Variants in ALDH1L2 observed in about 807,000 individuals in gnomAD.
ALDH1L2 encodes the protein aldehyde dehydrogenase 1 family member L2, also known as mitochondrial 10-formyltetrahydrofolate dehydrogenase.
Under a neutral mutation model 111.0 loss-of-function variants are expected in ALDH1L2, and 91 were observed. That is an observed-to-expected ratio of 0.82 (90% CI 0.69 to 0.98). The LOEUF is 0.98. Ranked by LOEUF, ALDH1L2 falls within the 50% of genes least tolerant of loss-of-function variation. ALDH1L2 has a pLI of 0.00. For missense variants in ALDH1L2, 995 were observed against 1,126.8 expected (o/e 0.88, Z 1.67); for synonymous variants, 374 against 392.6 (o/e 0.95, Z 0.56).
chr12:105,030,385 T>C lies in ALDH1L2; in HGVS notation c.2455A>G (p.Met819Val), dbSNP rs752217059. The part of the protein sequence containing the change: ...PTVFTDVEDY[M>V]YLAKEESFGP... ...AAGGATTCCTCTTTGGCGAGGTACA[T>C]GTAGTCTTCCACATCTGTGAACACG... is the stretch of plus-strand genomic sequence containing the variant. Residue 819 changes from methionine to valine, a missense_variant, in exon 21 of 23, where the codon ATG (methionine) becomes GTG (valine). By Grantham distance (21) the Met-to-Val change is conservative. Transcript: ENST00000258494. 2 of 1,613,656 alleles carry C rather than the reference T, an allele frequency of 1.2e-6. No homozygotes were observed. Among genetic ancestry groups the C allele is most frequent in the Non-Finnish European group, 1.7e-6 (2 of 1,179,710 alleles).
At chr12:105,064,397 A>G (rs930818259) in intron 6 of ALDH1L2, among the ~76,000 whole-genome samples, 1 of 152,140 alleles carries the variant, frequency 6.6e-6, no homozygotes, top group Non-Finnish European at 1.5e-5. Flanking sequence ...GAGGTTACAC[A>G]GTAAATTTTC....
intron 19 of ALDH1L2, among the ~76,000 whole-genome samples, chr12:105,032,624 G>A (rs997147904): frequency 6.6e-6 from 1 of 152,126 alleles, no homozygotes; most frequent in Non-Finnish European, 1.5e-5. Context: ...TTAAGTAAGT[G>A]CACCCAACCA....
intron 12 of ALDH1L2, among the ~76,000 whole-genome samples, chr12:105,051,273 G>A (rs1338979581): frequency 2.0e-5 from 3 of 152,034 alleles, no homozygotes; most frequent in Non-Finnish European, 4.4e-5. Flanking sequence ...TCTCCCATTG[G>A]GCTTGGCCAG....
At position 105,023,599 on chromosome 12, in the gene ALDH1L2, T is replaced by C. The variant is rs1874262726; in HGVS notation, c.*825A>G. The C allele has an allele frequency of 6.6e-6, 1 of 152,172 alleles. No homozygotes were observed. The highest frequency in any genetic ancestry group is 6.5e-5 in the Admixed American group (1 of 15,278). 9.4% of individuals were successfully genotyped at this position (152,172 alleles called of 1,614,324 possible). On this transcript the variant is annotated 3_prime_UTR_variant, in exon 23 of 23. Coordinates refer to ENST00000258494, the MANE Select transcript of ALDH1L2 (RefSeq NM_001034173.4). ...TACATTACTGCAATGAATTCTCCTA[T>C]TAAGGGTCCTGAGGAAGGCATTTAC...
Position 105,029,024 on chromosome 12 carries a change from AT to A in ALDH1L2, c.2516+1299del, listed in dbSNP as rs770703019. Among the ~76,000 whole-genome samples the A allele has an allele frequency of 4.3e-3, 598 of 138,196 alleles. 5 individuals are homozygous for A. The highest frequency in any genetic ancestry group is 9.8e-3 in the African/African-American group (362 of 37,060). 90.7% of individuals were successfully genotyped at this position (138,196 alleles called of 152,430 possible). ...GAAAACATTACTGCCATCTGCTTAA[AT>A]TTTTTTTTTTTTTTTTTTAGAGGCC... On this transcript the variant is annotated intron_variant, in intron 21 of 22. Transcript: ENST00000258494.
chr12:105,074,609 C>T (rs1295373870), intron 1 of ALDH1L2, among the ~76,000 whole-genome samples: 1 of 152,078 alleles, frequency 6.6e-6, no homozygotes, highest in Non-Finnish European at 1.5e-5. Flanking sequence ...CATGTGGCTC[C>T]ACGGGGATCT....
At position 105,022,155 on chromosome 12, in the gene ALDH1L2, G is replaced by C. The variant is rs1204439500; in HGVS notation, c.*2269C>G. On this transcript the variant is annotated 3_prime_UTR_variant, in exon 23 of 23. Coordinates refer to ENST00000258494, the MANE Select transcript of ALDH1L2 (RefSeq NM_001034173.4). ...TGATGTTCCAATTCCAGTTCACTTG[G>C]TAACTTTATGTATTACACAGAGCCT... 1 of 152,164 alleles carries C rather than the reference G, an allele frequency of 6.6e-6. No homozygotes were observed. The highest frequency in any genetic ancestry group is 1.5e-5 in the Non-Finnish European group (1 of 68,026). The allele number at this position is 152,164 out of a possible 1,614,324, so 9.4% of individuals were successfully genotyped here. A position where few individuals can be genotyped will look rare whatever the true frequency, so the allele number is the denominator to read the frequency against.
At chr12:105,052,702 G>T in intron 11 of ALDH1L2, 110 bp downstream of exon 11, 2 of 1,341,392 alleles carry the variant, frequency 1.5e-6, no homozygotes, top group East Asian at 2.3e-5. Flanking sequence ...GAAGTACTTA[G>T]AGGCAGAGTG....
chr12:105,079,426 T>G (rs1296661052), intron 1 of ALDH1L2, among the ~76,000 whole-genome samples: 1 of 152,104 alleles, frequency 6.6e-6, no homozygotes, highest in African/African-American at 2.4e-5. Flanking sequence ...TTTTTCATCA[T>G]AAAAAGGATA....
chr12:105,076,975 T>C (rs1168383416), intron 1 of ALDH1L2, among the ~76,000 whole-genome samples: 2 of 152,252 alleles, frequency 1.3e-5, no homozygotes, highest in Non-Finnish European at 1.5e-5. Flanking sequence ...CAGGGCAGGA[T>C]TCAAACCTGG....
Position 105,020,359 on chromosome 12 carries a change from A to G in ALDH1L2, c.*4065T>C, listed in dbSNP as rs1370300815. 9 of 152,238 alleles carry G rather than the reference A, an allele frequency of 5.9e-5. No homozygotes were observed. In the East Asian group the frequency reaches 1.7e-3, roughly 29 times the overall value. 9.4% of individuals were successfully genotyped at this position (152,238 alleles called of 1,614,324 possible). ...CTACCTAGGCCCTGATTTAGGCATT[A>G]GGAATAAAAACTATCTCGACTTAGT... On this transcript the variant is annotated 3_prime_UTR_variant, in exon 23 of 23. Coordinates refer to ENST00000258494, the MANE Select transcript of ALDH1L2 (RefSeq NM_001034173.4).
intron 9 of ALDH1L2, among the ~76,000 whole-genome samples, chr12:105,058,991 G>A (rs913303589): frequency 2.0e-4 from 30 of 151,972 alleles, no homozygotes; most frequent in Non-Finnish European, 3.4e-4. Flanking sequence ...AGTACTGGCC[G>A]GGTGCGGTGG....
chr12:105,076,392 A>T (rs572826100), intron 1 of ALDH1L2, among the ~76,000 whole-genome samples: 1 of 152,312 alleles, frequency 6.6e-6, no homozygotes, highest in South Asian at 2.1e-4. Context: ...TCACATTATT[A>T]TCTCATTTGA....
At chr12:105,046,634 T>C in intron 15 of ALDH1L2, 76 bp downstream of exon 15, 1 of 1,292,562 alleles carries the variant, frequency 7.7e-7, no homozygotes, top group South Asian at 1.3e-5. Flanking sequence ...TTGCTATTTA[T>C]AAATATATTT....
rs892809151 is a variant in ALDH1L2, at chr12:105,046,868, G to C, written c.1757+31C>G. 5 of 1,613,332 alleles carry C rather than the reference G, an allele frequency of 3.1e-6. No individual in the cohort carries two copies. In the Admixed American group the frequency reaches 8.3e-5, roughly 27 times the overall value. On this transcript the variant is annotated intron_variant, in intron 14 of 22. Transcript: ENST00000258494. ...AGTTGTTTCAAATAACACAACTCATGATTCACTCAGAGGCACTCTCCTTAT... is the reference window on the plus strand; with the variant it reads ...AGTTGTTTCAAATAACACAACTCATCATTCACTCAGAGGCACTCTCCTTAT...
chr12:105,078,933 T>C (rs1174972941), intron 1 of ALDH1L2, among the ~76,000 whole-genome samples: 1 of 151,664 alleles, frequency 6.6e-6, no homozygotes, highest in African/African-American at 2.4e-5. Context: ...AGTTAAGGAG[T>C]GGTGACAAGC....
intron 2 of ALDH1L2, among the ~76,000 whole-genome samples, chr12:105,072,842 T>C (rs1024612699): frequency 7.9e-5 from 12 of 152,050 alleles, no homozygotes; most frequent in African/African-American, 2.9e-4. Flanking sequence ...GGTATGATGG[T>C]GGGTGCCTGT....
intron 4 of ALDH1L2, among the ~76,000 whole-genome samples, chr12:105,066,958 G>T (rs1437375518): frequency 6.6e-6 from 1 of 152,140 alleles, no homozygotes; most frequent in African/African-American, 2.4e-5. Context: ...GCCGGGCGCA[G>T]TGGCTCACGC....
intron 9 of ALDH1L2, among the ~76,000 whole-genome samples, chr12:105,059,602 G>A (rs554417884): frequency 6.6e-6 from 1 of 152,252 alleles, no homozygotes; most frequent in East Asian, 1.9e-4. Flanking sequence ...CGAAACTCTT[G>A]ACTTTTGAAA....
Sources: gnomAD v4.1 joint callset for allele counts (sites outside exome capture counted in the v4.1 genomes callset) on GRCh38, gnomAD v4.1.1 for gene constraint, MANE v1.5 for transcripts, NCBI Gene and HGNC (gene_info 2026-07-23, HGNC 2026-07-21) for gene names.